Variants in PGAP4 observed in about 807,000 individuals in gnomAD.
PGAP4 encodes the protein post-GPI attachment to proteins GalNAc transferase 4.
PGAP4 carries 12 observed loss-of-function variants against 28.2 expected under a neutral mutation model. That is an observed-to-expected ratio of 0.42 (90% CI 0.27 to 0.69). The LOEUF is 0.69. PGAP4 is among the 30% of genes least tolerant of loss of function. PGAP4 has a pLI of 0.22. For synonymous variants in PGAP4, 205 were observed against 211.8 expected, an observed-to-expected ratio of 0.97 and a Z score of 0.28; for missense variants, 425 against 513.5, an observed-to-expected ratio of 0.83 and a Z score of 1.67.
chr9:101,524,156 A>G (rs777558684), intron 2 of PGAP4, among the ~76,000 whole-genome samples: 14 of 150,906 alleles, frequency 9.3e-5, no homozygotes, highest in Non-Finnish European at 1.8e-4. Context: ...CGGGTGTGCA[A>G]TGGACTCCGT....
chr9:101,475,842 C>A lies in PGAP4; in HGVS notation c.*39G>T. 6.4e-7 allele frequency: 1 copy of A among 1,574,406 alleles called. No homozygotes were observed. The highest frequency in any genetic ancestry group is 8.6e-7 in the Non-Finnish European group (1 of 1,157,030). On this transcript the variant is annotated 3_prime_UTR_variant, in exon 2 of 2. Coordinates refer to ENST00000374848, the MANE Select transcript of PGAP4 (RefSeq NM_032342.3). The stretch of plus-strand genomic sequence containing the variant: ...ATAAAGAGATAAATATTTGAATCTT[C>A]AAGAAGTGGCCAACTTCAGAAAGGC...
At chr9:101,522,818 T>C (rs1182391583) in intron 2 of PGAP4, among the ~76,000 whole-genome samples, 4 of 152,198 alleles carry the variant, frequency 2.6e-5, no homozygotes, top group African/African-American at 9.6e-5. Flanking sequence ...GTTTTATAGG[T>C]CCTGTGTAAT....
intron 2 of PGAP4, among the ~76,000 whole-genome samples, chr9:101,496,125 A>G (rs1351497188): frequency 6.6e-6 from 1 of 151,586 alleles, no homozygotes; most frequent in Non-Finnish European, 1.5e-5. Context: ...AGCCAAGACT[A>G]AAGAATCAAG....
At chr9:101,527,787 A>T (rs1827048214) in intron 2 of PGAP4, among the ~76,000 whole-genome samples, 1 of 152,252 alleles carries the variant, frequency 6.6e-6, no homozygotes, top group African/African-American at 2.4e-5. Flanking sequence ...GCTTAAAGTT[A>T]ACAACATTTA....
chr9:101,503,606 A>C (rs1826822550), intron 2 of PGAP4, among the ~76,000 whole-genome samples: 2 of 152,056 alleles, frequency 1.3e-5, no homozygotes, highest in African/African-American at 4.8e-5. Flanking sequence ...TAGAACCCCA[A>C]ATTGAAAAGC....
intron 2 of PGAP4, among the ~76,000 whole-genome samples, chr9:101,493,901 T>C (rs564833761): frequency 1.2e-4 from 18 of 152,218 alleles, no homozygotes; most frequent in Non-Finnish European, 2.4e-4. Flanking sequence ...ATGTAGGATC[T>C]AGTTCGGTCT....
chr9:101,523,073 T>C (rs926012004), intron 2 of PGAP4, among the ~76,000 whole-genome samples: 2 of 152,228 alleles, frequency 1.3e-5, no homozygotes, highest in Non-Finnish European at 2.9e-5. Context: ...TCTAGCTTTG[T>C]AGAGTTTCTG....
At chr9:101,507,628 AG>A (rs1363858497) in intron 2 of PGAP4, among the ~76,000 whole-genome samples, 1 of 152,150 alleles carries the variant, frequency 6.6e-6, no homozygotes, top group Non-Finnish European at 1.5e-5. Flanking sequence ...AAAATAACAA[AG>A]CTCCCCTGCT....
intron 1 of PGAP4, among the ~76,000 whole-genome samples, chr9:101,484,075 C>T (rs1385914344): frequency 6.6e-6 from 1 of 152,074 alleles, no homozygotes; most frequent in Non-Finnish European, 1.5e-5. Flanking sequence ...TAAGTGCATC[C>T]CCTTTGACAT....
At chr9:101,496,891 A>C (rs1374100582) in intron 2 of PGAP4, among the ~76,000 whole-genome samples, 1 of 150,524 alleles carries the variant, frequency 6.6e-6, no homozygotes, top group Non-Finnish European at 1.5e-5. Context: ...CATGACCTTC[A>C]AATTAGACAA....
chr9:101,504,236 T>A (rs372701611), intron 2 of PGAP4, among the ~76,000 whole-genome samples: 1 of 131,310 alleles, frequency 7.6e-6, no homozygotes, highest in African/African-American at 2.9e-5. Context: ...TTTTTTTTTT[T>A]TGGTTGGTTT....
exon 1 of PGAP4, chr9:101,532,743 A>G (rs1487532479): frequency 6.6e-6 from 1 of 152,098 alleles, no homozygotes; most frequent in Non-Finnish European, 1.5e-5. Flanking sequence ...AATTCTTTCC[A>G]AGATAGTCAA....
chr9:101,529,445 G>A (rs964458959), intron 2 of PGAP4, among the ~76,000 whole-genome samples: 5 of 152,166 alleles, frequency 3.3e-5, no homozygotes, highest in Admixed American at 1.3e-4. Flanking sequence ...ATAAGCCACC[G>A]CGCCCGGCCT....
intron 2 of PGAP4, among the ~76,000 whole-genome samples, chr9:101,500,140 C>G (rs1175090450): frequency 6.6e-6 from 1 of 151,918 alleles, no homozygotes; most frequent in Non-Finnish European, 1.5e-5. Flanking sequence ...GTTTCTTGGT[C>G]TTTTTACTAG....
intron 2 of PGAP4, chr9:101,501,597 C>T: frequency 4.4e-6 from 2 of 450,504 alleles, no homozygotes; most frequent in South Asian, 3.1e-5. Context: ...TGGATTGCTT[C>T]TGGAAGACCT....
intron 1 of PGAP4, among the ~76,000 whole-genome samples, chr9:101,480,420 G>A (rs1826451273): frequency 6.6e-6 from 1 of 152,032 alleles, no homozygotes; most frequent in Non-Finnish European, 1.5e-5. Flanking sequence ...AGAGAAAAAA[G>A]GGGAATAGTG....
At chr9:101,492,841 G>A (rs372720375) in intron 2 of PGAP4, among the ~76,000 whole-genome samples, 2 of 151,998 alleles carry the variant, frequency 1.3e-5, no homozygotes, top group Admixed American at 6.6e-5. Flanking sequence ...TGCTTCAGGA[G>A]TTTTCTCCCT....
chr9:101,506,069 G>A (rs1340473319), intron 2 of PGAP4, among the ~76,000 whole-genome samples: 1 of 152,034 alleles, frequency 6.6e-6, no homozygotes, highest in Non-Finnish European at 1.5e-5. Flanking sequence ...TACCATTTGT[G>A]CAAACAACTG....
upstream of PGAP4, among the ~76,000 whole-genome samples, chr9:101,489,495 A>G (rs1279515606): frequency 2.6e-5 from 4 of 152,218 alleles, no homozygotes; most frequent in Admixed American, 6.5e-5. Flanking sequence ...TGAGCAAAGT[A>G]AGGAAACAGT....
Sources: gnomAD v4.1 joint callset for allele counts (sites outside exome capture counted in the v4.1 genomes callset) on GRCh38, gnomAD v4.1.1 for gene constraint, MANE v1.5 for transcripts, NCBI Gene and HGNC (gene_info 2026-07-23, HGNC 2026-07-21) for gene names.